The following BUB1 variants were observed in gnomAD, a reference collection of about 807,000 sequenced individuals.
BUB1 encodes the protein BUB1 mitotic checkpoint serine/threonine kinase.
In BUB1, 84 loss-of-function variants were observed where a neutral mutation model predicts 135.2. The ratio of observed to expected loss-of-function variants is 0.62; its 90% CI spans 0.52 to 0.74. BUB1 has a LOEUF of 0.74. BUB1 is among the 30% of genes least tolerant of loss of function. BUB1 has a pLI of 0.00. For missense variants in BUB1, 1,162 were observed against 1,288.3 expected, an observed-to-expected ratio of 0.90 and a Z score of 1.50; for synonymous variants, 403 against 434.4, an observed-to-expected ratio of 0.93 and a Z score of 0.90.
intron 24 of BUB1, among the ~76,000 whole-genome samples, 200 bp from the exon 25 acceptor site, chr2:110,638,359 C>T (rs1288721227): frequency 1.3e-5 from 2 of 152,152 alleles, no homozygotes; most frequent in Admixed American, 1.3e-4. Context: ...CTGTCTTATA[C>T]ATCTTGTTCC....
Position 110,641,443 on chromosome 2 carries a change from T to C in BUB1, c.2647A>G (p.Asn883Asp). 1 of 1,612,716 alleles carries C rather than the reference T, an allele frequency of 6.2e-7. No homozygotes were observed. Among genetic ancestry groups the C allele is most frequent in the Non-Finnish European group, 8.5e-7 (1 of 1,179,650 alleles). ...TGAGGCATCACTTTTTCAGGGGTATTTTTATAGAGGTTAATGGCATTCTAG... is the reference window on the plus strand; with the variant it reads ...TGAGGCATCACTTTTTCAGGGGTATCTTTATAGAGGTTAATGGCATTCTAG... ...TLLNAINLYK[N>D]TPEKVMPQGL... The change falls in exon 22 of 25, where the codon AAT (asparagine) becomes GAT (aspartate). Residue 883 changes from asparagine (N) to aspartate (D), a missense_variant. Physicochemically the swap from Asn to Asp is conservative, Grantham distance 23. Coordinates refer to ENST00000302759, the MANE Select transcript of BUB1 (RefSeq NM_004336.5).
rs1689694140 is a variant in BUB1, at chr2:110,648,234, T to C, written c.2347+1000A>G. Among the ~76,000 whole-genome samples, 1 of 151,728 alleles carries C rather than the reference T, an allele frequency of 6.6e-6. No homozygotes were observed. The highest frequency in any genetic ancestry group is 2.4e-5 in the African/African-American group (1 of 41,344). ...TGATAAAAAAAAAAAAGCTATCAAA[T>C]CATGAAATGACACAAGGGAACCTTA... On this transcript the variant is annotated intron_variant, in intron 19 of 24. Coordinates refer to ENST00000302759, the MANE Select transcript of BUB1 (RefSeq NM_004336.5). This position sits in a 1 kb window ranked among gnomAD's most constrained non-coding sequence, Gnocchi z 4.2.
intron 16 of BUB1, among the ~76,000 whole-genome samples, chr2:110,654,352 T>TA (rs751293122): frequency 5.1e-4 from 77 of 150,050 alleles, no homozygotes; most frequent in South Asian, 3.2e-3. Context: ...TCTCCATAAT[T>TA]AAAAAAAAAA....
intron 11 of BUB1, 65 bp from the exon 12 acceptor site, chr2:110,658,807 C>A (rs940791567): frequency 1.3e-6 from 2 of 1,573,908 alleles, no homozygotes; most frequent in Middle Eastern, 1.7e-4. Flanking sequence ...AAAAGACACA[C>A]AATTTAAGTA....
Position 110,641,693 on chromosome 2 carries a change from G to A in BUB1, c.2574C>T (p.Phe858=). Reference sequence around the variant, plus strand: ...CTCCTACTAATACACTGCCATTCTGGAATAAGTGGGCAGAATAGAACTTCA... The same window carrying A: ...CTCCTACTAATACACTGCCATTCTGAAATAAGTGGGCAGAATAGAACTTCA... ...MFMKFYSAHL[F]QNGSVLVGEL... The change falls in exon 21 of 25, where the codon TTC becomes TTT. Residue 858 remains phenylalanine (F), a synonymous_variant. Coordinates refer to ENST00000302759, the MANE Select transcript of BUB1 (RefSeq NM_004336.5). 6.2e-7 allele frequency: 1 copy of A among 1,613,190 alleles called. No homozygotes were observed. Among genetic ancestry groups the A allele is most frequent in the South Asian group, 1.1e-5 (1 of 91,066 alleles).
At chr2:110,639,652 C>A in intron 24 of BUB1, 90 bp downstream of exon 24, 2 of 1,068,962 alleles carry the variant, frequency 1.9e-6, no homozygotes, top group Non-Finnish European at 1.4e-6. Context: ...CATGCGGTGG[C>A]AGAGATCCTT....
At chr2:110,656,623 T>C (rs1440195938) in intron 15 of BUB1, among the ~76,000 whole-genome samples, 1 of 152,204 alleles carries the variant, frequency 6.6e-6, no homozygotes, top group Non-Finnish European at 1.5e-5. Flanking sequence ...GACTTATTCC[T>C]GGTTAACCCA....
chr2:110,674,218 T>C lies in BUB1; in HGVS notation c.93A>G (p.Ile31Met), dbSNP rs752373314. 3.1e-6 allele frequency: 5 copies of C among 1,609,566 alleles called. No individual in the cohort carries two copies. The South Asian group carries it at 4.4e-5, about 14-fold the overall frequency. The part of the protein sequence containing the change: ...NDPLGEWERY[I>M]QWVEENFPEN... The stretch of plus-strand genomic sequence containing the variant: ...CAGGAAAATTCTCTTCTACCCACTG[T>C]ATGTATCTAGAAAAATATGGATAAT... Residue 31 changes from isoleucine to methionine, a missense_variant, in exon 3 of 25, where the codon ATA becomes ATG. Ile to Met is a conservative substitution (Grantham distance 10). Coordinates refer to ENST00000302759, the MANE Select transcript of BUB1 (RefSeq NM_004336.5).
intron 9 of BUB1, among the ~76,000 whole-genome samples, chr2:110,662,646 C>CAA: frequency 6.6e-6 from 1 of 152,180 alleles, no homozygotes; most frequent in Non-Finnish European, 1.5e-5. Flanking sequence ...CAAAAAAATA[C>CAA]AAGAAATTAG....
Position 110,642,164 on chromosome 2 carries a change from C to G in BUB1, c.2418G>C (p.Gln806His). ...GAFAQVYEAT[Q>H]GDLNDAKNKQ... ...TATTTTTAGCATCATTCAGATCTCCCTGGGTAGCTTCGTACACCTGGGCAA... is the reference window on the plus strand; with the variant it reads ...TATTTTTAGCATCATTCAGATCTCCGTGGGTAGCTTCGTACACCTGGGCAA... The change falls in exon 20 of 25, where the codon CAG becomes CAC. Residue 806 changes from glutamine to histidine, a missense_variant. By Grantham distance (24) the Gln-to-His change is conservative. Transcript: ENST00000302759. 1 of 1,613,752 alleles carries G rather than the reference C, an allele frequency of 6.2e-7. No homozygotes were observed.
intron 24 of BUB1, 123 bp downstream of exon 24, chr2:110,639,619 T>C (rs1689448541): frequency 2.6e-6 from 2 of 770,716 alleles, no homozygotes; most frequent in Non-Finnish European, 2.1e-6. Context: ...CCTGTCACCA[T>C]ATTGCCCAAG....
At chr2:110,646,388 C>G (rs1043109188) in intron 19 of BUB1, among the ~76,000 whole-genome samples, 1 of 149,062 alleles carries the variant, frequency 6.7e-6, no homozygotes, top group Non-Finnish European at 1.5e-5. Context: ...CAGGGAGGGA[C>G]GGGAAGGGGC....
intron 6 of BUB1, among the ~76,000 whole-genome samples, chr2:110,668,125 C>T (rs11903773): frequency 0.1 from 15,714 of 152,126 alleles, 1,576 homozygotes; most frequent in African/African-American, 0.25. Flanking sequence ...AGAACCATAG[C>T]TGATTTCCCT....
In BUB1 at chr2:110,639,815, A is replaced by G. The variant is rs1689454559; in HGVS notation, c.2989T>C (p.Cys997Arg). Residue 997 changes from cysteine (C) to arginine (R), a missense_variant, in exon 24 of 25, where the codon TGC becomes CGC. Physicochemically the swap from Cys to Arg is radical, Grantham distance 180. Transcript: ENST00000302759. ...DYFGVAATVYCMLFGTYMKVK... is the reference protein window; with the variant it reads ...DYFGVAATVYRMLFGTYMKVK... ...TTCATGTAAGTGCCAAAGAGCATGCAATATACTGTTGCAGCAACCCCAAAG... is the reference window on the plus strand; with the variant it reads ...TTCATGTAAGTGCCAAAGAGCATGCGATATACTGTTGCAGCAACCCCAAAG... 6.2e-7 allele frequency: 1 copy of G among 1,614,104 alleles called. No homozygotes were observed. Among genetic ancestry groups the G allele is most frequent in the Admixed American group, 1.7e-5 (1 of 60,020 alleles).
intron 15 of BUB1, 37 bp downstream of exon 15, chr2:110,656,999 G>T: frequency 6.6e-7 from 1 of 1,518,728 alleles, no homozygotes; most frequent in Non-Finnish European, 9.1e-7. Context: ...CGGATGGGTT[G>T]TAGGACCCAT....
chr2:110,671,928 T>C (rs573094043), intron 4 of BUB1, among the ~76,000 whole-genome samples: 1 of 152,192 alleles, frequency 6.6e-6, no homozygotes, highest in South Asian at 2.1e-4. Flanking sequence ...TATTAAGAAA[T>C]ATATTCATCA....
intron 10 of BUB1, among the ~76,000 whole-genome samples, chr2:110,660,573 G>A (rs1037447341): frequency 1.3e-5 from 2 of 151,436 alleles, no homozygotes; most frequent in Non-Finnish European, 2.9e-5. Context: ...TTCAGGAAAA[G>A]AATTCTTACA....
chr2:110,642,337 G>T (rs905448142), intron 19 of BUB1, 103 bp from the exon 20 acceptor site: 1 of 667,708 alleles, frequency 1.5e-6, no homozygotes, highest in Non-Finnish European at 2.5e-6. Flanking sequence ...TGTATACTTC[G>T]CATCCACTGT....
intron 11 of BUB1, among the ~76,000 whole-genome samples, chr2:110,658,979 T>C (rs1023583056): frequency 2.6e-5 from 4 of 152,180 alleles, no homozygotes; most frequent in Non-Finnish European, 2.9e-5. Context: ...CTGAGAGAGA[T>C]TGAGTGGTTG....
Sources: gnomAD v4.1 joint callset for allele counts (sites outside exome capture counted in the v4.1 genomes callset) on GRCh38, gnomAD v4.1.1 for gene constraint, Gnocchi (gnomAD v3.1) non-coding constraint, MANE v1.5 for transcripts, NCBI Gene and HGNC (gene_info 2026-07-23, HGNC 2026-07-21) for gene names.